Variants in CALN1 observed in about 807,000 individuals in gnomAD.
The protein encoded by CALN1 is calcium-binding protein 8.
CALN1 carries 17 observed loss-of-function variants against 30.6 expected under a neutral mutation model. The ratio of observed to expected loss-of-function variants is 0.56; its 90% CI spans 0.38 to 0.83. CALN1 has a LOEUF of 0.83. CALN1 is among the 40% of genes least tolerant of loss of function. The pLI, the probability that CALN1 is intolerant of heterozygous loss-of-function variation, is 0.00. For synonymous variants in CALN1, 156 were observed against 131.4 expected, an observed-to-expected ratio of 1.19 and a Z score of -1.28; for missense variants, 291 against 354.9, an observed-to-expected ratio of 0.82 and a Z score of 1.45.
At chr7:72,091,018 G>C (rs1805822956) in intron 4 of CALN1, among the ~76,000 whole-genome samples, 1 of 152,142 alleles carries the variant, frequency 6.6e-6, no homozygotes, top group African/African-American at 2.4e-5. Flanking sequence ...GAGCACAATA[G>C]GGTGATTATT....
Position 72,203,979 on chromosome 7 carries a change from C to CTTTTTTT in CALN1, c.244+74700_244+74706dup, listed in dbSNP as rs869149598. Among the ~76,000 whole-genome samples, 314 of 83,768 alleles carry CTTTTTTT rather than the reference C, an allele frequency of 3.7e-3. 64 individuals carry two copies. The highest frequency in any genetic ancestry group is 0.014 in the African/African-American group (272 of 19,098). The allele number at this position is 83,768 out of a possible 152,430, so 55.0% of individuals were successfully genotyped here. A position where few individuals can be genotyped will look rare whatever the true frequency, so the allele number is the denominator to read the frequency against. On this transcript the variant is annotated intron_variant, in intron 3 of 6. Coordinates refer to ENST00000395275, the MANE Select transcript of CALN1 (RefSeq NM_031468.4). Reference sequence around the variant, plus strand: ...TAGCCTTCATATAAGAGGCCTCTCTCTTTTTTTTTTTTTTTTTTTTTTTTT... The same window carrying CTTTTTTT: ...TAGCCTTCATATAAGAGGCCTCTCTCTTTTTTTTTTTTTTTTTTTTTTTTTTTTTTTT...
intron 6 of CALN1, 21 bp from the exon 7 acceptor site, chr7:71,787,923 T>C: frequency 6.2e-7 from 1 of 1,613,610 alleles, no homozygotes; most frequent in Non-Finnish European, 8.5e-7. Context: ...GAGAAGCAGG[T>C]GTGGGAAGAA....
At chr7:71,892,662 A>G (rs1793309588) in intron 5 of CALN1, among the ~76,000 whole-genome samples, 1 of 152,146 alleles carries the variant, frequency 6.6e-6, no homozygotes, top group Non-Finnish European at 1.5e-5. Flanking sequence ...ATTATTATAG[A>G]TATTTTTCCT....
intron 4 of CALN1, among the ~76,000 whole-genome samples, chr7:72,086,032 T>C (rs935680203): frequency 1.3e-4 from 20 of 152,196 alleles, no homozygotes; most frequent in African/African-American, 4.8e-4. Flanking sequence ...TATATAAAGT[T>C]AGAGATCTCA....
intron 6 of CALN1, among the ~76,000 whole-genome samples, chr7:71,797,529 TAA>T (rs1282185609): frequency 6.6e-6 from 1 of 152,150 alleles, no homozygotes; most frequent in Non-Finnish European, 1.5e-5. Flanking sequence ...TTCTATGGAA[TAA>T]GAGTGAGACT....
chr7:71,959,297 G>A (rs551248474), intron 5 of CALN1, among the ~76,000 whole-genome samples: 7 of 152,314 alleles, frequency 4.6e-5, no homozygotes, highest in Non-Finnish European at 8.8e-5. Context: ...GATCAGTTCT[G>A]AAGTTTGGAC....
chr7:72,102,217 G>C (rs1180805618), intron 4 of CALN1, among the ~76,000 whole-genome samples: 1 of 152,124 alleles, frequency 6.6e-6, no homozygotes, highest in Non-Finnish European at 1.5e-5. Context: ...GGCTGAGGCA[G>C]GCGGATCACT....
intron 1 of CALN1, among the ~76,000 whole-genome samples, chr7:72,443,463 GCTT>G (rs1223404621): frequency 3.9e-5 from 6 of 152,196 alleles, no homozygotes; most frequent in African/African-American, 1.2e-4. Context: ...CTCCTCTCCG[GCTT>G]CTTCTTTTAT....
intron 3 of CALN1, among the ~76,000 whole-genome samples, chr7:72,272,330 G>A (rs937881475): frequency 1.3e-5 from 2 of 152,142 alleles, no homozygotes; most frequent in Admixed American, 1.3e-4. Flanking sequence ...GGGAGGTCGA[G>A]GCAGGTGGAC....
chr7:71,983,251 T>C (rs1798491081), intron 5 of CALN1, among the ~76,000 whole-genome samples: 1 of 152,216 alleles, frequency 6.6e-6, no homozygotes, highest in South Asian at 2.1e-4. Context: ...TGTGTGTCTG[T>C]GTCCTTGATT....
At chr7:72,053,107 G>A (rs1359021483) in intron 4 of CALN1, among the ~76,000 whole-genome samples, 1 of 152,228 alleles carries the variant, frequency 6.6e-6, no homozygotes, top group Admixed American at 6.5e-5. Context: ...ACGGGAGCCT[G>A]TAATCCCAGC....
intron 3 of CALN1, among the ~76,000 whole-genome samples, chr7:72,124,257 T>G (rs1412827232): frequency 6.6e-6 from 1 of 152,168 alleles, no homozygotes; most frequent in African/African-American, 2.4e-5. Flanking sequence ...CAGGAAGTAC[T>G]CAATACATAG....
the CALN1 span, among the ~76,000 whole-genome samples, chr7:72,473,101 G>A: frequency 1.3e-5 from 2 of 151,590 alleles, no homozygotes; most frequent in Non-Finnish European, 2.9e-5. Context: ...TTTTGAGGCT[G>A]TGCAATCTGT....
chr7:71,941,482 G>C (rs1358298285), intron 5 of CALN1, among the ~76,000 whole-genome samples: 1 of 152,108 alleles, frequency 6.6e-6, no homozygotes, highest in Non-Finnish European at 1.5e-5. Flanking sequence ...AGCAGACCCA[G>C]TATCAAAAAT....
chr7:72,449,661 A>G (rs1162290546), upstream of CALN1, among the ~76,000 whole-genome samples: 1 of 152,148 alleles, frequency 6.6e-6, no homozygotes, highest in East Asian at 1.9e-4. Flanking sequence ...TCACGAGGTC[A>G]GGAGATCGAG....
At chr7:72,359,962 G>C (rs374073566) in intron 2 of CALN1, among the ~76,000 whole-genome samples, 1,737 of 63,008 alleles carry the variant, frequency 0.028, 19 homozygotes, top group Non-Finnish European at 0.029. Flanking sequence ...GGGTGACAGA[G>C]TGAGACTCCA....
chr7:72,181,780 C>T (rs1428211769), intron 3 of CALN1, among the ~76,000 whole-genome samples: 3 of 152,120 alleles, frequency 2.0e-5, no homozygotes, highest in African/African-American at 2.4e-5. Context: ...CAGCCGACTT[C>T]GGTAACTTTT....
At chr7:72,263,997 A>C (rs1185809293) in intron 3 of CALN1, among the ~76,000 whole-genome samples, 1 of 152,186 alleles carries the variant, frequency 6.6e-6, no homozygotes, top group Non-Finnish European at 1.5e-5. Flanking sequence ...GAAATTGATG[A>C]GGGCCACTGG....
chr7:72,376,409 C>A (rs1804559090), intron 2 of CALN1, among the ~76,000 whole-genome samples: 1 of 152,198 alleles, frequency 6.6e-6, no homozygotes. Flanking sequence ...GTTGTTATCA[C>A]CAACCTAGTG....
Sources: gnomAD v4.1 joint callset for allele counts (sites outside exome capture counted in the v4.1 genomes callset) on GRCh38, gnomAD v4.1.1 for gene constraint, MANE v1.5 for transcripts, NCBI Gene and HGNC (gene_info 2026-07-23, HGNC 2026-07-21) for gene names.